RCL1: variants seen among roughly 807,000 people sequenced by gnomAD.
The protein encoded by RCL1 is RNA terminal phosphate cyclase like 1.
RCL1 carries 24 observed loss-of-function variants against 42.4 expected under a neutral mutation model. The observed-to-expected ratio is 0.57, with a 90% CI of 0.41 to 0.80. The LOEUF (loss-of-function observed/expected upper bound fraction) is 0.80, where lower values mean the gene tolerates loss of function less well. RCL1 is among the 30% of genes least tolerant of loss of function. The probability of loss-of-function intolerance (pLI) is 0.00; values close to 1 mark genes in which losing one functional copy is unlikely to be tolerated. For missense variants in RCL1, 578 were observed against 467.9 expected, an observed-to-expected ratio of 1.24 and a Z score of -2.17; for synonymous variants, 228 against 177.3, an observed-to-expected ratio of 1.29 and a Z score of -2.27.
intron 1 of RCL1, among the ~76,000 whole-genome samples, chr9:4,800,739 G>A (rs1842986787): frequency 7.0e-6 from 1 of 143,552 alleles, no homozygotes; most frequent in African/African-American, 2.6e-5. Flanking sequence ...TGCAACCTCC[G>A]CCTCCCAGGT....
intron 1 of RCL1, among the ~76,000 whole-genome samples, chr9:4,799,754 G>A (rs963018577): frequency 2.6e-5 from 4 of 152,116 alleles, no homozygotes; most frequent in African/African-American, 7.2e-5. Context: ...AATGAGTCCT[G>A]TATTTTTATT....
At chr9:4,809,230 T>G (rs558613241) in intron 1 of RCL1, among the ~76,000 whole-genome samples, 1 of 152,328 alleles carries the variant, frequency 6.6e-6, no homozygotes, top group African/African-American at 2.4e-5. Flanking sequence ...CAGTAAAGTT[T>G]TCTTACATAT....
intron 3 of RCL1, among the ~76,000 whole-genome samples, chr9:4,827,745 T>TGTGTGTGCACGC (rs1473864973): frequency 8.4e-6 from 1 of 118,852 alleles, no homozygotes; most frequent in Non-Finnish European, 1.8e-5. Context: ...TGTGTGTGTG[T>TGTGTGTGCACGC]GTGTGTGTGT....
In RCL1 at chr9:4,850,431, A is replaced by T. The variant is rs10974810; in HGVS notation, c.971+881A>T. The T allele has an allele frequency of 1.5e-5, 6 of 399,530 alleles. No homozygotes were observed. In the East Asian group the frequency reaches 3.1e-4, roughly 21 times the overall value. The allele number at this position is 399,530 out of a possible 1,614,324, so 24.7% of individuals were successfully genotyped here. A position where few individuals can be genotyped will look rare whatever the true frequency, so the allele number is the denominator to read the frequency against. On this transcript the variant is annotated intron_variant, in intron 8 of 8. Coordinates refer to ENST00000381750, the MANE Select transcript of RCL1 (RefSeq NM_005772.5). ...CGGTGGGGCTATGCACCCTTGGGCC[A>T]TGGCGTTGGGGGCATGAAAACCAGG...
In RCL1 at chr9:4,841,017, C is replaced by G. The variant is rs113545796; in HGVS notation, c.585-215C>G. ...TTGAGGACCTCCAGCTTTATACTTT[C>G]CACTGTCTCTATTGTTTGGGTGTTT... On this transcript the variant is annotated intron_variant, in intron 5 of 8. Transcript: ENST00000381750. Among the ~76,000 whole-genome samples, 245 of 152,136 alleles carry G rather than the reference C, an allele frequency of 1.6e-3. 2 individuals are homozygous for G. The highest frequency in any genetic ancestry group is 5.5e-3 in the African/African-American group (230 of 41,496).
At chr9:4,813,484 T>G (rs1362225101) in intron 1 of RCL1, among the ~76,000 whole-genome samples, 1 of 152,076 alleles carries the variant, frequency 6.6e-6, no homozygotes, top group Non-Finnish European at 1.5e-5. Flanking sequence ...AAAACCACAG[T>G]GAGATACCAT....
At chr9:4,857,476 A>G (rs1818000565) in intron 8 of RCL1, among the ~76,000 whole-genome samples, 1 of 151,814 alleles carries the variant, frequency 6.6e-6, no homozygotes, top group African/African-American at 2.4e-5. Flanking sequence ...AAAATCTTCC[A>G]TTGAATGGAT....
rs570146644 is a variant in RCL1 at position 4,819,493 on chromosome 9, C to T, written c.137-4055C>T. ...CTTGTTCTTTATCCGCAGAAATGGT[C>T]ACTATCAATGTACACTATCTGGTGA... On this transcript the variant is annotated intron_variant, in intron 1 of 8. Coordinates refer to ENST00000381750, the MANE Select transcript of RCL1 (RefSeq NM_005772.5). 6.6e-5 allele frequency among the ~76,000 whole-genome samples: 10 copies of T among 152,246 alleles called. No individual in the cohort carries two copies. In the East Asian group the frequency reaches 1.7e-3, roughly 26 times the overall value.
At chr9:4,854,830 G>A (rs1476628113) in intron 8 of RCL1, among the ~76,000 whole-genome samples, 1 of 152,112 alleles carries the variant, frequency 6.6e-6, no homozygotes, top group Non-Finnish European at 1.5e-5. Context: ...GCCGAGGCGG[G>A]TAGATCACGA....
At chr9:4,853,843 T>G (rs1817842572) in intron 8 of RCL1, among the ~76,000 whole-genome samples, 1 of 152,158 alleles carries the variant, frequency 6.6e-6, no homozygotes, top group South Asian at 2.1e-4. Flanking sequence ...ACTGTGGAAG[T>G]GCTGAGGAGC....
chr9:4,803,761 G>T, intron 1 of RCL1: 1 of 165,276 alleles, frequency 6.1e-6, no homozygotes. Flanking sequence ...TCTTCTGGCG[G>T]CGTGGGTCAT....
At chr9:4,801,653 G>A (rs1265471521) in intron 1 of RCL1, among the ~76,000 whole-genome samples, 1 of 150,378 alleles carries the variant, frequency 6.6e-6, no homozygotes, top group East Asian at 1.9e-4. Flanking sequence ...TTTTGTGGCA[G>A]TGCTTTTAGT....
At chr9:4,855,112 C>G (rs1301144354) in intron 8 of RCL1, among the ~76,000 whole-genome samples, 1 of 150,878 alleles carries the variant, frequency 6.6e-6, no homozygotes, top group African/African-American at 2.4e-5. Context: ...TTCTCTGAAA[C>G]CTGCTTGTCA....
intron 7 of RCL1, among the ~76,000 whole-genome samples, chr9:4,848,992 C>T (rs541781455): frequency 6.6e-6 from 1 of 152,218 alleles, no homozygotes; most frequent in South Asian, 2.1e-4. Context: ...AAGGCCGTTT[C>T]ATGTCAGATA....
chr9:4,835,379 G>C (rs1817087830), intron 5 of RCL1, among the ~76,000 whole-genome samples: 1 of 152,170 alleles, frequency 6.6e-6, no homozygotes, highest in Non-Finnish European at 1.5e-5. Context: ...CATTGGGGTG[G>C]GGGAAAAGCT....
chr9:4,795,540 T>A (rs1842900538), intron 1 of RCL1, among the ~76,000 whole-genome samples: 1 of 152,208 alleles, frequency 6.6e-6, no homozygotes, highest in African/African-American at 2.4e-5. Flanking sequence ...CTGGTCATAA[T>A]CAAGGGAGTC....
chr9:4,809,730 T>C (rs2130980597), intron 1 of RCL1, among the ~76,000 whole-genome samples: 1 of 152,376 alleles, frequency 6.6e-6, no homozygotes, highest in African/African-American at 2.4e-5. Context: ...CTTCCCTGTA[T>C]TGATATCTTC....
intron 4 of RCL1, among the ~76,000 whole-genome samples, chr9:4,833,725 T>C (rs1817026668): frequency 6.6e-6 from 1 of 152,242 alleles, no homozygotes; most frequent in Non-Finnish European, 1.5e-5. Flanking sequence ...CATCTCTGCC[T>C]TTTACATTCA....
intron 1 of RCL1, among the ~76,000 whole-genome samples, chr9:4,801,433 A>C (rs537083000): frequency 6.6e-6 from 1 of 152,252 alleles, no homozygotes; most frequent in East Asian, 1.9e-4. Context: ...CACCTTTCCA[A>C]GGTGTAATTC....
Sources: allele counts gnomAD v4.1 joint callset (sites outside exome capture counted in the v4.1 genomes callset), GRCh38; gene constraint gnomAD v4.1.1; transcripts MANE v1.5; gene names NCBI Gene and HGNC (gene_info 2026-07-23, HGNC 2026-07-21).